The following PLPPR1 variants were observed in gnomAD, a reference collection of about 807,000 sequenced individuals.
The protein encoded by PLPPR1 is phospholipid phosphatase-related protein type 1.
PLPPR1 carries 10 observed loss-of-function variants against 33.1 expected under a neutral mutation model. The observed-to-expected ratio is 0.30, with a 90% confidence interval of 0.19 to 0.51. The LOEUF (loss-of-function observed/expected upper bound fraction) is 0.51. Among genes scored for constraint, PLPPR1 ranks in the 20% least tolerant of loss-of-function variants. The pLI is 0.97. For synonymous variants in PLPPR1, 151 were observed against 151.0 expected (o/e 1.00, Z 0.00); for missense variants, 304 against 408.1 (o/e 0.74, Z 2.20).
intron 4 of PLPPR1, among the ~76,000 whole-genome samples, chr9:101,302,426 C>T (rs1828770447): frequency 6.6e-6 from 1 of 152,104 alleles, no homozygotes; most frequent in African/African-American, 2.4e-5. Context: ...AGCATTTTAC[C>T]ACTTTTCCTA....
At chr9:101,096,737 G>A (rs1205271235) in intron 1 of PLPPR1, among the ~76,000 whole-genome samples, 1 of 152,164 alleles carries the variant, frequency 6.6e-6, no homozygotes, top group Non-Finnish European at 1.5e-5. Flanking sequence ...AGTGTGTAAT[G>A]TTGGAGCTCT....
intron 1 of PLPPR1, among the ~76,000 whole-genome samples, chr9:101,176,270 G>C (rs1012904026): frequency 8.5e-5 from 13 of 152,170 alleles, no homozygotes; most frequent in African/African-American, 3.1e-4. Flanking sequence ...CTGGCCAGGA[G>C]GTAAGGAGGG....
intron 1 of PLPPR1, among the ~76,000 whole-genome samples, chr9:101,146,281 G>A (rs1831520805): frequency 6.6e-6 from 1 of 152,178 alleles, no homozygotes; most frequent in African/African-American, 2.4e-5. Context: ...TAGTTAGGCA[G>A]TTAGATTCTT....
At chr9:101,244,440 T>A (rs1046306562) in intron 2 of PLPPR1, among the ~76,000 whole-genome samples, 1 of 149,842 alleles carries the variant, frequency 6.7e-6, no homozygotes, top group African/African-American at 2.5e-5. Flanking sequence ...AATGAATAAT[T>A]TTTTTTTTTG....
At chr9:101,085,034 TTTG>T (rs1830660831) in intron 1 of PLPPR1, among the ~76,000 whole-genome samples, 2 of 152,234 alleles carry the variant, frequency 1.3e-5, no homozygotes, top group South Asian at 4.1e-4. Flanking sequence ...CAATAGAATG[TTTG>T]TTATTTTTCA....
At chr9:101,109,317 AAT>A (rs2118571061) in intron 1 of PLPPR1, among the ~76,000 whole-genome samples, 1 of 152,082 alleles carries the variant, frequency 6.6e-6, no homozygotes, top group South Asian at 2.1e-4. Context: ...CCTGAAATCA[AAT>A]AGTTTGGGAA....
At chr9:101,036,147 G>T (rs1830006953) in intron 1 of PLPPR1, among the ~76,000 whole-genome samples, 1 of 152,098 alleles carries the variant, frequency 6.6e-6, no homozygotes, top group East Asian at 1.9e-4. Flanking sequence ...TAAATTTTGT[G>T]CCCAATGCAG....
rs139587258 is a variant in PLPPR1, at chr9:101,282,390, A to T, written c.253-3714A>T. On this transcript the variant is annotated intron_variant, in intron 3 of 7. Transcript: ENST00000374874. ...TTACGATTTAAAAAACCCTCAACAA[A>T]TTAGGTATAAAGAAATGTAACCCAA... 3.9e-5 allele frequency among the ~76,000 whole-genome samples: 6 copies of T among 152,326 alleles called. No individual in the cohort carries two copies. The East Asian group carries it at 9.6e-4, about 24-fold the overall frequency.
chr9:101,046,368 G>A (rs1217551150), intron 1 of PLPPR1, among the ~76,000 whole-genome samples: 1 of 150,864 alleles, frequency 6.6e-6, no homozygotes, highest in Non-Finnish European at 1.5e-5. Flanking sequence ...CAGAGCAACA[G>A]GAAAATTGCC....
intron 1 of PLPPR1, among the ~76,000 whole-genome samples, chr9:101,110,425 C>G (rs1487725571): frequency 6.6e-6 from 1 of 152,130 alleles, no homozygotes; most frequent in Non-Finnish European, 1.5e-5. Context: ...TAAAAGGCAT[C>G]TATCCATTTA....
chr9:101,185,509 C>A lies in PLPPR1; in HGVS notation c.15C>A (p.Asn5Lys). The A allele has an allele frequency of 6.2e-7, 1 of 1,609,242 alleles. No individual in the cohort carries two copies. The highest frequency in any genetic ancestry group is 8.5e-7 in the Non-Finnish European group (1 of 1,176,820). The change falls in exon 2 of 8, where the codon AAC becomes AAA. Residue 5 changes from asparagine (N) to lysine (K), a missense_variant. Transcript: ENST00000374874. Reference sequence around the variant, plus strand: ...TGGTGTGAGAAATGGCTGTAGGAAACAACACTCAACGAAGTTATTCCATCA... The same window carrying A: ...TGGTGTGAGAAATGGCTGTAGGAAAAAACACTCAACGAAGTTATTCCATCA... MAVG[N>K]NTQRSYSIIP...
At chr9:101,131,433 A>C (rs2118613292) in intron 1 of PLPPR1, 1 of 152,274 alleles carries the variant, frequency 6.6e-6, no homozygotes, top group South Asian at 2.1e-4. Context: ...CCTTGACCCC[A>C]GCTGTGTCTG....
At chr9:101,114,312 A>C (rs1232852844) in intron 1 of PLPPR1, among the ~76,000 whole-genome samples, 2 of 152,194 alleles carry the variant, frequency 1.3e-5, no homozygotes, top group Non-Finnish European at 2.9e-5. Context: ...AGGTTAAGTA[A>C]CTCACCAAAA....
At chr9:101,089,197 A>G (rs1349599960) in intron 1 of PLPPR1, among the ~76,000 whole-genome samples, 1 of 152,140 alleles carries the variant, frequency 6.6e-6, no homozygotes, top group Non-Finnish European at 1.5e-5. Flanking sequence ...CAAATGAGAA[A>G]GTTCTTATTC....
intron 1 of PLPPR1, among the ~76,000 whole-genome samples, chr9:101,045,588 A>G (rs1487019834): frequency 6.6e-6 from 1 of 152,210 alleles, no homozygotes; most frequent in Non-Finnish European, 1.5e-5. Context: ...GCATATTTTA[A>G]CAAGACAGGG....
At chr9:101,257,810 G>A (rs907454879) in intron 2 of PLPPR1, among the ~76,000 whole-genome samples, 14 of 136,334 alleles carry the variant, frequency 1.0e-4, no homozygotes, top group African/African-American at 4.3e-4. Context: ...AACTTCTTTT[G>A]TTGGGCTAAA....
chr9:101,148,027 A>G lies in PLPPR1; in HGVS notation c.-45-37423A>G, dbSNP rs530332831. Among the ~76,000 whole-genome samples the G allele has an allele frequency of 4.6e-5, 7 of 152,264 alleles. No homozygotes were observed. The East Asian group carries it at 1.2e-3, about 25-fold the overall frequency. On this transcript the variant is annotated intron_variant, in intron 1 of 7. Coordinates refer to ENST00000374874, the MANE Select transcript of PLPPR1 (RefSeq NM_207299.2). ...GGTGGATATTAGGAGAGGGTCCTAC[A>G]TGTGTGCAGTTAGGCTGTCATCAAC...
At chr9:101,300,970 C>T (rs1333499296) in intron 4 of PLPPR1, among the ~76,000 whole-genome samples, 3 of 152,160 alleles carry the variant, frequency 2.0e-5, no homozygotes, top group Admixed American at 2.0e-4. Flanking sequence ...GGGAATTGTC[C>T]TGTCAAAGGA....
intron 3 of PLPPR1, among the ~76,000 whole-genome samples, chr9:101,271,946 G>A (rs1420373294): frequency 6.6e-6 from 1 of 152,136 alleles, no homozygotes; most frequent in Non-Finnish European, 1.5e-5. Flanking sequence ...GTGGCAGAAA[G>A]TTAGTCAGAA....
Sources: allele counts gnomAD v4.1 joint callset (sites outside exome capture counted in the v4.1 genomes callset), GRCh38; gene constraint gnomAD v4.1.1; transcripts MANE v1.5; gene names NCBI Gene and HGNC (gene_info 2026-07-23, HGNC 2026-07-21).